Variants in COBLL1 observed in about 807,000 individuals in gnomAD.
The protein encoded by COBLL1 is cordon-bleu WH2 repeat protein like 1.
A neutral mutation model predicts 94.8 loss-of-function variants in COBLL1; 50 were observed. That is an observed-to-expected ratio of 0.53 (90% CI 0.42 to 0.67). The LOEUF is 0.67. COBLL1 is among the 30% of genes least tolerant of loss of function. The probability of loss-of-function intolerance (pLI) is 0.00; values close to 1 mark genes in which losing one functional copy is unlikely to be tolerated. For missense variants in COBLL1, 1,362 were observed against 1,348.7 expected (o/e 1.01, Z -0.15); for synonymous variants, 448 against 473.8 (o/e 0.95, Z 0.71).
chr2:164,818,573 TATATGTAC>T (rs1406709085), intron 2 of COBLL1, among the ~76,000 whole-genome samples: 1 of 148,702 alleles, frequency 6.7e-6, no homozygotes, highest in African/African-American at 2.5e-5. Context: ...ATATATAGCA[TATATGTAC>T]ATATGTACAC....
chr2:164,701,936 T>C (rs916581991), intron 9 of COBLL1, among the ~76,000 whole-genome samples: 2 of 151,970 alleles, frequency 1.3e-5, no homozygotes, highest in Non-Finnish European at 2.9e-5. Context: ...CATCCAATTA[T>C]AGTAATCAGC....
intron 2 of COBLL1, among the ~76,000 whole-genome samples, chr2:164,826,401 T>C (rs1194383772): frequency 1.3e-5 from 2 of 152,206 alleles, no homozygotes; most frequent in Non-Finnish European, 2.9e-5. Context: ...GAGTGTACTG[T>C]CCTTCACTGG....
intron 2 of COBLL1, among the ~76,000 whole-genome samples, chr2:164,824,057 A>G (rs1217390139): frequency 6.6e-6 from 1 of 152,222 alleles, no homozygotes; most frequent in Non-Finnish European, 1.5e-5. Context: ...ATATATAAAT[A>G]GTATACACAG....
At position 164,700,514 on chromosome 2, in the gene COBLL1, C is replaced by G. The variant is rs376830905; in HGVS notation, c.1460+8G>C. The G allele has an allele frequency of 6.4e-6, 10 of 1,562,160 alleles. No individual in the cohort carries two copies. In the African/African-American group the frequency reaches 1.4e-4, roughly 21 times the overall value. On this transcript the variant is annotated splice_region_variant and intron_variant, in intron 10 of 13. Coordinates refer to ENST00000652658, the MANE Select transcript of COBLL1 (RefSeq NM_001365672.2). ...GGCCACCAACACTCCAGCACAGAGA[C>G]TACTTACTGTCCATCTGTGCTTTTA...
In COBLL1 at chr2:164,695,843, GA is replaced by G. The variant is rs34305002; in HGVS notation, c.1556-8del. ...ATTATTTCATTTTGAACTACTGAGAGAAAAAAATCATCAAGTTAAATATATG... is the reference window on the plus strand; with the variant it reads ...ATTATTTCATTTTGAACTACTGAGAGAAAAAATCATCAAGTTAAATATATG... On this transcript the variant is annotated splice_polypyrimidine_tract_variant and splice_region_variant and intron_variant, in intron 11 of 13. Transcript: ENST00000652658. 181,218 of 1,530,520 alleles carry G rather than the reference GA, an allele frequency of 0.12. 11,525 individuals carry two copies. The highest frequency in any genetic ancestry group is 0.2 in the African/African-American group (14,176 of 71,544). 94.8% of individuals were successfully genotyped at this position (1,530,520 alleles called of 1,614,324 possible). A position where few individuals can be genotyped will look rare whatever the true frequency, so the allele number is the denominator to read the frequency against.
intron 2 of COBLL1, among the ~76,000 whole-genome samples, chr2:164,776,651 G>A (rs1171040552): frequency 1.3e-5 from 2 of 151,786 alleles, no homozygotes; most frequent in Non-Finnish European, 1.5e-5. Flanking sequence ...ACTCTGAGAA[G>A]AGACACCTTC....
intron 5 of COBLL1, chr2:164,727,265 T>C (rs1361402662): frequency 4.2e-6 from 2 of 472,474 alleles, no homozygotes; most frequent in Non-Finnish European, 7.6e-6. Flanking sequence ...CACCTCAGGA[T>C]AAATTTTGAA....
Position 164,841,284 on chromosome 2 carries a change from G to C in COBLL1, c.-50-38C>G. 1 of 1,218,966 alleles carries C rather than the reference G, an allele frequency of 8.2e-7. No homozygotes were observed. The highest frequency in any genetic ancestry group is 1.0e-6 in the Non-Finnish European group (1 of 979,736). 75.5% of individuals were successfully genotyped at this position (1,218,966 alleles called of 1,614,324 possible). Reference sequence around the variant, plus strand: ...AGGCCGGCGGGTCAGGGCGGGACGCGCGCCTTCCCGAGGCCGGAGCGAAGC... The same window carrying C: ...AGGCCGGCGGGTCAGGGCGGGACGCCCGCCTTCCCGAGGCCGGAGCGAAGC... On this transcript the variant is annotated intron_variant, in intron 1 of 13. Transcript: ENST00000652658. This position sits in a 1 kb window ranked among gnomAD's most constrained non-coding sequence, Gnocchi z 5.5.
intron 2 of COBLL1, among the ~76,000 whole-genome samples, chr2:164,813,699 C>A (rs1431971016): frequency 1.3e-5 from 2 of 152,170 alleles, no homozygotes; most frequent in African/African-American, 4.8e-5. Flanking sequence ...AGCATCACAA[C>A]TGAACTTATT....
chr2:164,817,361 TAAA>T (rs10599487), intron 2 of COBLL1, among the ~76,000 whole-genome samples: 133 of 116,462 alleles, frequency 1.1e-3, no homozygotes, highest in Non-Finnish European at 1.7e-3. Context: ...TGGTATATAT[TAAA>T]AAAAAAAAAA....
intron 2 of COBLL1, among the ~76,000 whole-genome samples, chr2:164,791,582 C>T (rs189280741): frequency 2.2e-4 from 33 of 152,276 alleles, no homozygotes; most frequent in Admixed American, 5.9e-4. Context: ...TGTCTTCCTG[C>T]GTGCCTGCCT....
intron 2 of COBLL1, among the ~76,000 whole-genome samples, chr2:164,794,891 A>G (rs537942971): frequency 5.9e-4 from 90 of 152,332 alleles, no homozygotes; most frequent in African/African-American, 2.1e-3. Context: ...GCCCCACACA[A>G]CAAGTGCTAA....
chr2:164,728,559 C>T (rs1201935286), intron 4 of COBLL1, among the ~76,000 whole-genome samples: 3 of 151,898 alleles, frequency 2.0e-5, no homozygotes, highest in African/African-American at 7.2e-5. Context: ...TATATTTTAT[C>T]CTACCCTTTG....
At chr2:164,790,147 C>T (rs185401814) in intron 2 of COBLL1, among the ~76,000 whole-genome samples, 2 of 152,296 alleles carry the variant, frequency 1.3e-5, no homozygotes, top group African/African-American at 4.8e-5. Flanking sequence ...GCACTTACGC[C>T]TCATGTCTGC....
chr2:164,803,582 T>TTAAATAAAATAAAATA (rs1683933853), intron 2 of COBLL1, among the ~76,000 whole-genome samples: 1 of 146,338 alleles, frequency 6.8e-6, no homozygotes. Flanking sequence ...AATAAATAAA[T>TTAAATAAAATAAAATA]AAATAAAATA....
intron 2 of COBLL1, among the ~76,000 whole-genome samples, chr2:164,821,434 A>C (rs1281555375): frequency 2.0e-5 from 3 of 152,184 alleles, no homozygotes; most frequent in Non-Finnish European, 4.4e-5. Flanking sequence ...ATGTAATGGG[A>C]TTATTTCTAG....
At chr2:164,672,321 T>C (rs1311872562) in intron 1 of COBLL1, among the ~76,000 whole-genome samples, 3 of 152,240 alleles carry the variant, frequency 2.0e-5, no homozygotes, top group Non-Finnish European at 2.9e-5. Flanking sequence ...CCATAGCTCA[T>C]TGTATTTTTC....
chr2:164,805,337 C>CTATATATATATATATATATA (rs71028444), intron 2 of COBLL1, among the ~76,000 whole-genome samples: 18 of 17,038 alleles, frequency 1.1e-3, no homozygotes, highest in African/African-American at 1.4e-3. Context: ...CTCTCTCTCT[C>CTATATATATATATATATATA]TATATATATA....
intron 10 of COBLL1, among the ~76,000 whole-genome samples, chr2:164,700,266 T>C (rs554268060): frequency 4.2e-4 from 64 of 152,244 alleles, no homozygotes; most frequent in Non-Finnish European, 7.9e-4. Flanking sequence ...AAAATTTTCA[T>C]TTTTGAATCA....
Sources: gnomAD v4.1 joint callset for allele counts (sites outside exome capture counted in the v4.1 genomes callset) on GRCh38, gnomAD v4.1.1 for gene constraint, Gnocchi (gnomAD v3.1) non-coding constraint, MANE v1.5 for transcripts, NCBI Gene and HGNC (gene_info 2026-07-23, HGNC 2026-07-21) for gene names.